Variants in LDLRAP1 observed in about 807,000 individuals in gnomAD.
LDLRAP1 encodes low density lipoprotein receptor adapter protein 1.
Under a neutral mutation model 37.8 loss-of-function variants are expected in LDLRAP1, and 30 were observed. The ratio of observed to expected loss-of-function variants is 0.79; its 90% confidence interval spans 0.59 to 1.08. The LOEUF (loss-of-function observed/expected upper bound fraction) is 1.08, where lower values mean the gene tolerates loss of function less well. Ranked by LOEUF, LDLRAP1 falls within the 50% of genes least tolerant of loss-of-function variation. The probability of loss-of-function intolerance (pLI) is 0.00; values close to 1 mark genes in which losing one functional copy is unlikely to be tolerated. For synonymous variants in LDLRAP1, 156 were observed against 169.8 expected, an observed-to-expected ratio of 0.92 and a Z score of 0.63; for missense variants, 375 against 401.6, an observed-to-expected ratio of 0.93 and a Z score of 0.57.
At chr1:25,559,037 G>A (rs61776821) in intron 4 of LDLRAP1, among the ~76,000 whole-genome samples, 88,557 of 152,010 alleles carry the variant, frequency 0.58, 27,020 homozygotes, top group African/African-American at 0.78. Context: ...GAAAGGCCCC[G>A]GGTTCTTTTG....
chr1:25,575,019 AG>A, the LDLRAP1 span, among the ~76,000 whole-genome samples: 1 of 152,180 alleles, frequency 6.6e-6, no homozygotes, highest in Non-Finnish European at 1.5e-5. Context: ...ACTTGGGTTC[AG>A]GGTCTCCTCC....
intron 4 of LDLRAP1, 171 bp downstream of exon 4, chr1:25,557,438 T>G (rs2044232730): frequency 1.6e-6 from 1 of 618,856 alleles, no homozygotes; most frequent in Non-Finnish European, 2.9e-6. Context: ...GGTACAGTGG[T>G]GGGGCTGCAG....
In LDLRAP1 at chr1:25,557,407, A is replaced by ATTGG. The variant is rs1394276020; in HGVS notation, c.459+140_459+141insTTGG. On this transcript the variant is annotated intron_variant, in intron 4 of 8. Transcript: ENST00000374338. ...GAGGGTGAAATCTCTGGGAACCCCA[A>ATTGG]GTGGGTGCCGAGAGCTAAGGGGTAC... 21 of 695,260 alleles carry ATTGG rather than the reference A, an allele frequency of 3.0e-5. No homozygotes were observed. The African/African-American group carries it at 3.5e-4, about 12-fold the overall frequency. 43.1% of individuals were successfully genotyped at this position (695,260 alleles called of 1,614,324 possible). A position where few individuals can be genotyped will look rare whatever the true frequency, so the allele number is the denominator to read the frequency against.
downstream of LDLRAP1, among the ~76,000 whole-genome samples, chr1:25,569,527 G>A (rs1277251900): frequency 1.3e-5 from 2 of 152,168 alleles, no homozygotes; most frequent in Non-Finnish European, 2.9e-5. Flanking sequence ...TGAAAATGGT[G>A]CAATGACCTC....
At chr1:25,546,651 G>A (rs2043940424) in intron 1 of LDLRAP1, among the ~76,000 whole-genome samples, 1 of 152,180 alleles carries the variant, frequency 6.6e-6, no homozygotes, top group African/African-American at 2.4e-5. Context: ...TATTTTGTGG[G>A]TTGTGCTTAC....
the LDLRAP1 span, among the ~76,000 whole-genome samples, chr1:25,583,192 ATTTTTT>A: frequency 1.6e-4 from 19 of 116,592 alleles, no homozygotes; most frequent in Admixed American, 1.2e-3. Flanking sequence ...TTTTTTGGGG[ATTTTTT>A]TTTTTTTTTT....
intron 7 of LDLRAP1, 62 bp downstream of exon 7, chr1:25,563,853 GCTGCT>G: frequency 6.2e-7 from 1 of 1,606,632 alleles, no homozygotes. Context: ...TGAGCCTGGG[GCTGCT>G]CCAGGGACCA....
chr1:25,557,432 C>G, intron 4 of LDLRAP1, 165 bp downstream of exon 4: 1 of 629,798 alleles, frequency 1.6e-6, no homozygotes, highest in African/African-American at 1.8e-5. Flanking sequence ...CTAAGGGGTA[C>G]AGTGGTGGGG....
At chr1:25,566,170 G>C (rs1557712121) in intron 8 of LDLRAP1, among the ~76,000 whole-genome samples, 2 of 152,164 alleles carry the variant, frequency 1.3e-5, no homozygotes, top group Admixed American at 6.5e-5. Context: ...TAAACAGAAA[G>C]TAACACCATC....
the LDLRAP1 span, among the ~76,000 whole-genome samples, chr1:25,584,432 C>T: frequency 2.0e-5 from 3 of 152,086 alleles, no homozygotes; most frequent in Non-Finnish European, 4.4e-5. Context: ...TTCCACCCTG[C>T]CATTTCTCTC....
At chr1:25,571,511 C>T (rs1319752451), downstream of LDLRAP1, among the ~76,000 whole-genome samples, 7 of 152,226 alleles carry the variant, frequency 4.6e-5, no homozygotes, top group Non-Finnish European at 1.0e-4. Context: ...CCACACGTAC[C>T]AGCTAGTTTA....
At chr1:25,563,477 T>C (rs1281647710) in intron 6 of LDLRAP1, among the ~76,000 whole-genome samples, 184 bp from the exon 7 acceptor site, 1 of 152,220 alleles carries the variant, frequency 6.6e-6, no homozygotes, top group Admixed American at 6.5e-5. Context: ...TCTAAGCCAT[T>C]AGTCAGGTTC....
chr1:25,569,130 G>T (rs1313794112), downstream of LDLRAP1, among the ~76,000 whole-genome samples: 2 of 152,244 alleles, frequency 1.3e-5, no homozygotes, highest in African/African-American at 2.4e-5. Flanking sequence ...CAGGGATCTG[G>T]TGCATCGGCT....
the LDLRAP1 span, among the ~76,000 whole-genome samples, chr1:25,577,304 T>G: frequency 2.0e-5 from 3 of 147,366 alleles, no homozygotes; most frequent in Non-Finnish European, 3.0e-5. Context: ...GGAGGTGGAG[T>G]GGGGGAGGGG....
chr1:25,583,473 G>A, the LDLRAP1 span, among the ~76,000 whole-genome samples: 3 of 152,102 alleles, frequency 2.0e-5, no homozygotes, highest in Middle Eastern at 3.4e-3. Context: ...GATTATAGTC[G>A]TGAGCCACTG....
At chr1:25,558,594 T>C (rs1350036421) in intron 4 of LDLRAP1, among the ~76,000 whole-genome samples, 1 of 152,188 alleles carries the variant, frequency 6.6e-6, no homozygotes, top group Non-Finnish European at 1.5e-5. Flanking sequence ...CACCTGCATT[T>C]CCAGGTTTGT....
chr1:25,562,941 C>A, intron 5 of LDLRAP1, 129 bp from the exon 6 acceptor site: 1 of 963,486 alleles, frequency 1.0e-6, no homozygotes, highest in Non-Finnish European at 1.7e-6. Context: ...CGAAAGGTTT[C>A]TTTCCTCCCG....
At chr1:25,573,464 C>T (rs986495528), downstream of LDLRAP1, among the ~76,000 whole-genome samples, 4 of 152,200 alleles carry the variant, frequency 2.6e-5, no homozygotes, top group Non-Finnish European at 1.5e-5. Context: ...CAGAGCTGGC[C>T]GGAAGCTGCT....
intron 1 of LDLRAP1, chr1:25,550,022 G>A (rs1414524222): frequency 6.6e-6 from 1 of 152,440 alleles, no homozygotes; most frequent in East Asian, 1.9e-4. Flanking sequence ...TGGGGAAGCA[G>A]ACATGAATGG....
Sources: gnomAD v4.1 joint callset for allele counts (sites outside exome capture counted in the v4.1 genomes callset) on GRCh38, gnomAD v4.1.1 for gene constraint, MANE v1.5 for transcripts, NCBI Gene and HGNC (gene_info 2026-07-23, HGNC 2026-07-21) for gene names.